Variants in LGR5 observed in about 807,000 individuals in gnomAD.
The protein encoded by LGR5 is leucine rich repeat containing G protein-coupled receptor 5.
Under a neutral mutation model 76.7 loss-of-function variants are expected in LGR5, and 54 were observed. That is an observed-to-expected ratio of 0.70 (90% CI 0.57 to 0.88). LGR5 has a LOEUF of 0.88. Ranked by LOEUF, LGR5 falls within the 40% of genes least tolerant of loss-of-function variation. LGR5 has a pLI of 0.00. For missense variants in LGR5, 1,078 were observed against 1,073.3 expected, an observed-to-expected ratio of 1.00 and a Z score of -0.06; for synonymous variants, 406 against 421.9, an observed-to-expected ratio of 0.96 and a Z score of 0.46.
intron 1 of LGR5, among the ~76,000 whole-genome samples, chr12:71,482,255 G>A (rs1269674395): frequency 1.3e-5 from 2 of 152,194 alleles, no homozygotes; most frequent in African/African-American, 4.8e-5. Flanking sequence ...TGCTGGGACT[G>A]CCATAACAAA....
At chr12:71,446,512 G>A (rs1030254223) in intron 1 of LGR5, among the ~76,000 whole-genome samples, 1 of 152,120 alleles carries the variant, frequency 6.6e-6, no homozygotes, top group Non-Finnish European at 1.5e-5. Flanking sequence ...CGTTAGGAAT[G>A]ATAATAGTAC....
chr12:71,538,045 C>A (rs1876689887), intron 4 of LGR5, among the ~76,000 whole-genome samples: 1 of 152,128 alleles, frequency 6.6e-6, no homozygotes, highest in Admixed American at 6.5e-5. Context: ...TTGATAGGGG[C>A]TGTGAGCTCA....
chr12:71,551,788 C>T (rs1470485972), intron 4 of LGR5, among the ~76,000 whole-genome samples: 1 of 152,112 alleles, frequency 6.6e-6, no homozygotes, highest in Admixed American at 6.5e-5. Context: ...AGATGTATTT[C>T]CCCATTTTAA....
intron 2 of LGR5, among the ~76,000 whole-genome samples, chr12:71,514,509 A>C (rs557338091): frequency 6.0e-5 from 9 of 149,366 alleles, no homozygotes; most frequent in Non-Finnish European, 1.2e-4. Context: ...CGGAGCTTGC[A>C]GTGAGCCCAG....
At chr12:71,551,522 A>T (rs1358855244) in intron 4 of LGR5, among the ~76,000 whole-genome samples, 1 of 152,178 alleles carries the variant, frequency 6.6e-6, no homozygotes, top group Non-Finnish European at 1.5e-5. Context: ...TGAAAATGCA[A>T]ATGTGTGCGT....
At chr12:71,497,835 A>G (rs59409219) in intron 1 of LGR5, among the ~76,000 whole-genome samples, 3,476 of 152,300 alleles carry the variant, frequency 0.023, 137 homozygotes, top group African/African-American at 0.079. Context: ...AAAGAGCATC[A>G]ATTTTTTTTG....
At chr12:71,539,338 ACACTGAAATTGG>A (rs1876758483) in intron 4 of LGR5, among the ~76,000 whole-genome samples, 1 of 152,244 alleles carries the variant, frequency 6.6e-6, no homozygotes, top group African/African-American at 2.4e-5. Flanking sequence ...GAAATTTGAT[ACACTGAAATTGG>A]TAACATTGCT....
At chr12:71,524,378 T>A in intron 2 of LGR5, 28 bp from the exon 3 acceptor site, 1 of 1,549,152 alleles carries the variant, frequency 6.5e-7, no homozygotes, top group Non-Finnish European at 8.9e-7. Flanking sequence ...GTATGCTCAC[T>A]CTCTCTCCTC....
chr12:71,535,253 T>A (rs528247941), intron 4 of LGR5, 67 bp downstream of exon 4: 6 of 1,074,788 alleles, frequency 5.6e-6, no homozygotes, highest in Non-Finnish European at 8.5e-6. Flanking sequence ...AAATGTTCAG[T>A]TGACCATTTT....
chr12:71,458,615 G>C (rs1305425973), intron 1 of LGR5, among the ~76,000 whole-genome samples: 1 of 152,134 alleles, frequency 6.6e-6, no homozygotes, highest in Non-Finnish European at 1.5e-5. Context: ...GTCTAGAAAA[G>C]ATGGCGACTA....
chr12:71,473,441 T>C (rs1873184896), intron 1 of LGR5, among the ~76,000 whole-genome samples: 1 of 152,150 alleles, frequency 6.6e-6, no homozygotes, highest in Non-Finnish European at 1.5e-5. Context: ...AATGGCATTT[T>C]GGTTAATTTC....
Position 71,566,687 on chromosome 12 carries a change from A to C in LGR5, c.985A>C (p.Asn329His), listed in dbSNP as rs1470223535. The change falls in exon 10 of 18, where the codon AAC becomes CAC. Residue 329 changes from asparagine to histidine, a missense_variant. By Grantham distance (68) the Asn-to-His change is moderately conservative. Coordinates refer to ENST00000266674, the MANE Select transcript of LGR5 (RefSeq NM_003667.4). ...TEFPDLTGTA[N>H]LESLTLTGAQ... Reference sequence around the variant, plus strand: ...ATTTCCTGATTTAACTGGAACTGCAAACCTGGAGAGTCTGTAAGTACTGAG... The same window carrying C: ...ATTTCCTGATTTAACTGGAACTGCACACCTGGAGAGTCTGTAAGTACTGAG... The C allele has an allele frequency of 1.9e-6, 3 of 1,613,304 alleles. No individual in the cohort carries two copies. In the Admixed American group the frequency reaches 5.0e-5, roughly 27 times the overall value.
At chr12:71,583,437 A>T (rs1026144145) in intron 17 of LGR5, 1 of 562,504 alleles carries the variant, frequency 1.8e-6, no homozygotes, top group Non-Finnish European at 3.1e-6. Flanking sequence ...CTGGAACAGG[A>T]GCACCGGGTG....
At chr12:71,489,705 C>T (rs1873980813) in intron 1 of LGR5, among the ~76,000 whole-genome samples, 1 of 152,112 alleles carries the variant, frequency 6.6e-6, no homozygotes, top group East Asian at 1.9e-4. Flanking sequence ...ATGAGAAATA[C>T]TTTTTGTTTC....
At chr12:71,448,727 C>G (rs1250467868) in intron 1 of LGR5, 1 of 152,092 alleles carries the variant, frequency 6.6e-6, no homozygotes, top group Non-Finnish European at 1.5e-5. Context: ...CCTTAATGAA[C>G]TATTTTGTAT....
chr12:71,458,888 T>C (rs908848750), intron 1 of LGR5, among the ~76,000 whole-genome samples: 1 of 151,264 alleles, frequency 6.6e-6, no homozygotes, highest in African/African-American at 2.4e-5. Context: ...CAAACAGGAG[T>C]GCACTAAAAG....
intron 11 of LGR5, among the ~76,000 whole-genome samples, chr12:71,571,027 A>C (rs1159174512): frequency 1.3e-5 from 2 of 152,166 alleles, no homozygotes; most frequent in African/African-American, 4.8e-5. Flanking sequence ...ATTTTGGCTG[A>C]AGATTTTCTT....
At chr12:71,557,331 A>C (rs1482288964) in intron 6 of LGR5, among the ~76,000 whole-genome samples, 1 of 152,216 alleles carries the variant, frequency 6.6e-6, no homozygotes, top group Non-Finnish European at 1.5e-5. Context: ...CTATTTATTG[A>C]ATATATCTAT....
intron 1 of LGR5, among the ~76,000 whole-genome samples, chr12:71,491,326 T>C (rs1358701936): frequency 6.6e-6 from 1 of 152,332 alleles, no homozygotes; most frequent in East Asian, 1.9e-4. Flanking sequence ...AGTTTTATAG[T>C]ATCCCCAAAG....
Sources: allele counts gnomAD v4.1 joint callset (sites outside exome capture counted in the v4.1 genomes callset), GRCh38; gene constraint gnomAD v4.1.1; transcripts MANE v1.5; gene names NCBI Gene and HGNC (gene_info 2026-07-23, HGNC 2026-07-21).